Variants in RBFOX2 observed in about 807,000 individuals in gnomAD.
The protein encoded by RBFOX2 is RNA binding fox-1 homolog 2.
In RBFOX2, 10 loss-of-function variants were observed where a neutral mutation model predicts 49.1. The ratio of observed to expected loss-of-function variants is 0.20; its 90% CI spans 0.13 to 0.35. The LOEUF is 0.35. Among genes scored for constraint, RBFOX2 ranks in the 10% least tolerant of loss-of-function variants. RBFOX2 has a pLI of 1.00. For missense variants in RBFOX2, 323 were observed against 486.9 expected (o/e 0.66, Z 3.17); for synonymous variants, 183 against 187.4 (o/e 0.98, Z 0.19).
intron 1 of RBFOX2, among the ~76,000 whole-genome samples, chr22:35,955,016 C>T (rs189514758): frequency 3.3e-5 from 5 of 152,180 alleles, no homozygotes; most frequent in East Asian, 3.8e-4. Context: ...CACCTTGGCA[C>T]GTTCTCAAAC....
chr22:35,991,934 C>A (rs774392003), intron 1 of RBFOX2, among the ~76,000 whole-genome samples: 1 of 152,206 alleles, frequency 6.6e-6, no homozygotes, highest in South Asian at 2.1e-4. Context: ...GTAACCACTC[C>A]TGTGGCTAAG....
intron 1 of RBFOX2, among the ~76,000 whole-genome samples, chr22:35,871,507 T>C (rs576353981): frequency 3.3e-5 from 5 of 152,202 alleles, no homozygotes; most frequent in Non-Finnish European, 1.5e-5. Context: ...AAAAGACTTA[T>C]TATGTGCTGC....
At chr22:35,933,395 C>G (rs2052649340) in intron 1 of RBFOX2, among the ~76,000 whole-genome samples, 1 of 152,128 alleles carries the variant, frequency 6.6e-6, no homozygotes, top group African/African-American at 2.4e-5. Flanking sequence ...AATTAATAAA[C>G]AAAATAGTAC....
chr22:35,853,292 TAA>T (rs11289647), intron 1 of RBFOX2, among the ~76,000 whole-genome samples: 76 of 129,732 alleles, frequency 5.9e-4, no homozygotes, highest in African/African-American at 7.4e-4. Context: ...AGCCTCTGTC[TAA>T]AAAAAAAAAA....
chr22:35,858,328 C>A (rs895260235), intron 1 of RBFOX2, among the ~76,000 whole-genome samples: 2 of 152,170 alleles, frequency 1.3e-5, no homozygotes, highest in Non-Finnish European at 1.5e-5. Context: ...TTACCCATTT[C>A]AAAATGCCCA....
intron 1 of RBFOX2, among the ~76,000 whole-genome samples, chr22:35,938,543 T>C (rs747603108): frequency 3.9e-5 from 6 of 152,098 alleles, no homozygotes; most frequent in Non-Finnish European, 8.8e-5. Context: ...CATTCAGAAT[T>C]ATAAGGCATC....
At chr22:35,875,286 T>G (rs2044879595) in intron 1 of RBFOX2, among the ~76,000 whole-genome samples, 2 of 152,202 alleles carry the variant, frequency 1.3e-5, no homozygotes, top group Non-Finnish European at 2.9e-5. Context: ...AGGTAATATT[T>G]ATATTTTAGG....
At chr22:35,995,524 A>G (rs1415173808) in intron 1 of RBFOX2, 2 of 152,194 alleles carry the variant, frequency 1.3e-5, no homozygotes, top group East Asian at 3.9e-4. Flanking sequence ...TGTAATCCCC[A>G]CGTGTCAGAG....
At chr22:35,839,295 T>C (rs1378126323) in intron 1 of RBFOX2, among the ~76,000 whole-genome samples, 1 of 152,162 alleles carries the variant, frequency 6.6e-6, no homozygotes, top group Non-Finnish European at 1.5e-5. Flanking sequence ...GGGAGAACTG[T>C]GGAAGAGCAT....
chr22:36,000,690 G>A (rs912900573), intron 1 of RBFOX2, among the ~76,000 whole-genome samples: 10 of 152,084 alleles, frequency 6.6e-5, no homozygotes, highest in South Asian at 2.1e-4. Context: ...GCATTCCACC[G>A]GAGTTCTCAG....
intron 1 of RBFOX2, among the ~76,000 whole-genome samples, chr22:35,870,083 C>T (rs1252354727): frequency 6.6e-6 from 1 of 152,022 alleles, no homozygotes; most frequent in African/African-American, 2.4e-5. Context: ...TGTGGCAAGG[C>T]CCTTTCAAAA....
intron 1 of RBFOX2, chr22:35,897,628 T>C (rs1208813186): frequency 2.2e-6 from 3 of 1,375,806 alleles, no homozygotes; most frequent in African/African-American, 1.4e-5. Context: ...GGTTTTCCCA[T>C]TGGCATCAGG....
At chr22:35,996,870 G>T (rs753480756) in intron 1 of RBFOX2, 1 of 152,150 alleles carries the variant, frequency 6.6e-6, no homozygotes, top group Non-Finnish European at 1.5e-5. Context: ...CCAGCCTTAG[G>T]ATGTCTAATC....
chr22:35,746,470 T>C lies in RBFOX2; in HGVS notation c.976+3A>G, dbSNP rs371724419. On this transcript the variant is annotated splice_donor_region_variant and intron_variant, in intron 10 of 11. Coordinates refer to ENST00000405409, the Ensembl canonical transcript of RBFOX2. ...CAAAGCTCACCACTGTCTCTGTACATACCCGTCACTGTAAGCGGCTGCAGC... is the reference window on the plus strand; with the variant it reads ...CAAAGCTCACCACTGTCTCTGTACACACCCGTCACTGTAAGCGGCTGCAGC... The C allele has an allele frequency of 1.9e-6, 3 of 1,590,466 alleles. No individual in the cohort carries two copies. Among genetic ancestry groups the C allele is most frequent in the African/African-American group, 2.7e-5 (2 of 74,078 alleles).
At chr22:35,992,225 G>A (rs62232607) in intron 1 of RBFOX2, 4,462 of 152,106 alleles carry the variant, frequency 0.029, 88 homozygotes, top group Non-Finnish European at 0.042. Context: ...CAGAGGGAAC[G>A]CAAAGAAATA....
intron 1 of RBFOX2, among the ~76,000 whole-genome samples, chr22:35,882,489 CA>C (rs1331912356): frequency 6.6e-6 from 1 of 152,132 alleles, no homozygotes; most frequent in Non-Finnish European, 1.5e-5. Context: ...AGAAATTCAG[CA>C]GTTGCTGGCA....
intron 9 of RBFOX2, among the ~76,000 whole-genome samples, chr22:35,748,855 C>T (rs1933813564): frequency 6.6e-6 from 1 of 152,210 alleles, no homozygotes; most frequent in African/African-American, 2.4e-5. Context: ...AAGTACTCAA[C>T]CAAGGGTAGG....
upstream of RBFOX2, among the ~76,000 whole-genome samples, chr22:35,963,936 G>C (rs894776100): frequency 1.3e-5 from 2 of 152,112 alleles, no homozygotes; most frequent in African/African-American, 4.8e-5. Context: ...AGTACAGATG[G>C]GGTTACACCA....
At chr22:35,947,535 G>C (rs1220433667) in intron 1 of RBFOX2, among the ~76,000 whole-genome samples, 1 of 151,492 alleles carries the variant, frequency 6.6e-6, no homozygotes, top group East Asian at 1.9e-4. Context: ...ACAGCTCCAT[G>C]TGTGTTACTG....
Sources: gnomAD v4.1 joint callset for allele counts (sites outside exome capture counted in the v4.1 genomes callset) on GRCh38, gnomAD v4.1.1 for gene constraint, MANE v1.5 for transcripts, NCBI Gene and HGNC (gene_info 2026-07-23, HGNC 2026-07-21) for gene names.